HELLS: variants seen among roughly 807,000 people sequenced by gnomAD.
The protein encoded by HELLS is helicase, lymphoid specific.
A neutral mutation model predicts 120.0 loss-of-function variants in HELLS; 32 were observed. The ratio of observed to expected loss-of-function variants is 0.27; its 90% confidence interval spans 0.20 to 0.36. The LOEUF (loss-of-function observed/expected upper bound fraction) is 0.36, where lower values mean the gene tolerates loss of function less well. Among genes scored for constraint, HELLS ranks in the 10% least tolerant of loss-of-function variants. The pLI is 1.00. For synonymous variants in HELLS, 341 were observed against 323.4 expected (o/e 1.05, Z -0.58); for missense variants, 650 against 993.4 (o/e 0.65, Z 4.65).
chr10:94,595,771 T>A lies in HELLS; in HGVS notation c.2248+917T>A, dbSNP rs543468073. 7.9e-5 allele frequency among the ~76,000 whole-genome samples: 12 copies of A among 152,330 alleles called. No homozygotes were observed. In the East Asian group the frequency reaches 2.3e-3, roughly 29 times the overall value. ...GGCTTGATAGCTACCTGAAGAAATG[T>A]TGAAAATCATTTATGTAAATCATCA... On this transcript the variant is annotated intron_variant, in intron 19 of 21. Transcript: ENST00000348459.
intron 8 of HELLS, 181 bp from the exon 9 acceptor site, chr10:94,574,373 C>A: frequency 1.4e-6 from 1 of 694,586 alleles, no homozygotes; most frequent in Non-Finnish European, 2.4e-6. Context: ...TAATGGCTTC[C>A]AGCACTTTTA....
chr10:94,546,181 G>A (rs1457346122), intron 1 of HELLS, among the ~76,000 whole-genome samples, 196 bp from the exon 2 acceptor site: 1 of 152,194 alleles, frequency 6.6e-6, no homozygotes, highest in Non-Finnish European at 1.5e-5. Flanking sequence ...AGCATCCCGA[G>A]TTGTAAACTG....
At chr10:94,593,251 G>A (rs540938824) in intron 17 of HELLS, among the ~76,000 whole-genome samples, 1 of 152,176 alleles carries the variant, frequency 6.6e-6, no homozygotes, top group African/African-American at 2.4e-5. Context: ...TTTGATATTA[G>A]CTTTTCTTAT....
chr10:94,592,118 A>T, intron 15 of HELLS, 111 bp from the exon 16 acceptor site: 2 of 701,648 alleles, frequency 2.9e-6, no homozygotes, highest in Non-Finnish European at 4.7e-6. Flanking sequence ...GTCAGTTTTT[A>T]AGTTTTTTAA....
chr10:94,557,450 A>C (rs566327079), intron 3 of HELLS, among the ~76,000 whole-genome samples: 4 of 152,338 alleles, frequency 2.6e-5, no homozygotes, highest in Middle Eastern at 3.4e-3. Context: ...AAAATTTGTA[A>C]GAGTATGTCT....
intron 10 of HELLS, among the ~76,000 whole-genome samples, chr10:94,578,661 TGGC>T (rs1844644751): frequency 6.6e-6 from 1 of 152,190 alleles, no homozygotes; most frequent in African/African-American, 2.4e-5. Context: ...GCCGCTTGGT[TGGC>T]TGGGCAACCA....
intron 10 of HELLS, among the ~76,000 whole-genome samples, chr10:94,581,113 AGTAG>A (rs1844847247): frequency 6.6e-6 from 1 of 152,218 alleles, no homozygotes; most frequent in African/African-American, 2.4e-5. Context: ...TGCATATTTT[AGTAG>A]GTCTCTTCCA....
At position 94,545,920 on chromosome 10, in the gene HELLS, G is replaced by C; in HGVS notation, c.-2G>C. On this transcript the variant is annotated 5_prime_UTR_variant, in exon 1 of 22. Coordinates refer to ENST00000348459, the MANE Select transcript of HELLS (RefSeq NM_018063.5). ...ACCCGGTTCCCGGGTGAGTGTCCAG[G>C]CATGCCAGCGGAACGGCCCGCGGGC... The C allele has an allele frequency of 1.3e-6, 2 of 1,555,272 alleles. No homozygotes were observed. The highest frequency in any genetic ancestry group is 1.7e-6 in the Non-Finnish European group (2 of 1,148,766).
chr10:94,602,346 A>C (rs905842171), downstream of HELLS, among the ~76,000 whole-genome samples: 2 of 152,200 alleles, frequency 1.3e-5, no homozygotes, highest in African/African-American at 4.8e-5. Flanking sequence ...CAGACCCTGA[A>C]AATTTATAGT....
chr10:94,590,335 A>G (rs1190707266), intron 13 of HELLS, 78 bp from the exon 14 acceptor site: 5 of 1,186,528 alleles, frequency 4.2e-6, no homozygotes, highest in Non-Finnish European at 2.4e-6. Context: ...TACATAAAAT[A>G]TGCCTTATTT....
chr10:94,590,521 A>C lies in HELLS; in HGVS notation c.1597A>C (p.Ser533Arg). 1 of 1,610,446 alleles carries C rather than the reference A, an allele frequency of 6.2e-7. No homozygotes were observed. Among genetic ancestry groups the C allele is most frequent in the Non-Finnish European group, 8.5e-7 (1 of 1,179,308 alleles). Residue 533 changes from serine (S) to arginine (R), a missense_variant, in exon 14 of 22, where the codon AGT (serine) becomes CGT (arginine). Transcript: ENST00000348459. ...DFPNELEKLISQIQPEVDRER... is the reference protein window; with the variant it reads ...DFPNELEKLIRQIQPEVDRER... ...CCCTAATGAATTGGAAAAACTGATC[A>C]GTCAAATACAGCCAGAGGTGGACCG... is the stretch of plus-strand genomic sequence containing the variant.
intron 10 of HELLS, chr10:94,577,201 C>T (rs543089998): frequency 6.8e-6 from 2 of 295,736 alleles, no homozygotes; most frequent in Admixed American, 4.9e-5. Context: ...GTAGCATTTT[C>T]GTTTCTATTT....
rs76336798 is a variant in HELLS at position 94,547,077 on chromosome 10, A to G, written c.153+579A>G. On this transcript the variant is annotated intron_variant, in intron 2 of 21. Transcript: ENST00000348459. Reference sequence around the variant, plus strand: ...GCTAAAAATGTGCCGTACTTTTTCAATGACAAGTTGCTGTAGTTTTCTTGT... The same window carrying G: ...GCTAAAAATGTGCCGTACTTTTTCAGTGACAAGTTGCTGTAGTTTTCTTGT... Among the ~76,000 whole-genome samples the G allele has an allele frequency of 5.0e-3, 767 of 152,302 alleles. 18 individuals are homozygous for G. Among genetic ancestry groups the G allele is most frequent in the East Asian group, 0.038 (196 of 5,180 alleles).
intron 10 of HELLS, among the ~76,000 whole-genome samples, chr10:94,580,256 C>T (rs1042018014): frequency 4.0e-4 from 57 of 144,218 alleles, no homozygotes; most frequent in African/African-American, 1.4e-3. Flanking sequence ...ACGATCTCGG[C>T]TTACTGCAAC....
At chr10:94,597,723 G>A (rs1845806436) in intron 21 of HELLS, among the ~76,000 whole-genome samples, 1 of 152,132 alleles carries the variant, frequency 6.6e-6, no homozygotes, top group Non-Finnish European at 1.5e-5. Flanking sequence ...AGTAGAGACA[G>A]GGTTTCGCCA....
At chr10:94,557,050 A>G (rs1362582345) in intron 3 of HELLS, 3 of 186,020 alleles carry the variant, frequency 1.6e-5, no homozygotes, top group African/African-American at 7.1e-5. Context: ...TTTCTAGATG[A>G]GACCTGCCCT....
intron 10 of HELLS, among the ~76,000 whole-genome samples, chr10:94,581,001 A>G (rs902005673): frequency 3.9e-5 from 6 of 152,234 alleles, no homozygotes; most frequent in Non-Finnish European, 8.8e-5. Context: ...TAACATTAAT[A>G]TCAAAACTTG....
intron 3 of HELLS, 84 bp from the exon 4 acceptor site, chr10:94,558,055 C>T (rs1388869985): frequency 1.4e-6 from 2 of 1,469,736 alleles, no homozygotes; most frequent in Non-Finnish European, 9.1e-7. Context: ...TCATTGTAAA[C>T]ATAAGTTATT....
Position 94,582,952 on chromosome 10 carries a change from T to C in HELLS, c.1230-11T>C. 6.6e-7 allele frequency: 1 copy of C among 1,511,328 alleles called. No individual in the cohort carries two copies. Among genetic ancestry groups the C allele is most frequent in the Non-Finnish European group, 9.1e-7 (1 of 1,100,396 alleles). 93.6% of individuals were successfully genotyped at this position (1,511,328 alleles called of 1,614,324 possible). On this transcript the variant is annotated splice_polypyrimidine_tract_variant and intron_variant, in intron 11 of 21. Transcript: ENST00000348459. ...TATGTGATGGTTAACTTAAACATTTTTCTCTTCCAGCTTTGAGTCTTGGTT... is the reference window on the plus strand; with the variant it reads ...TATGTGATGGTTAACTTAAACATTTCTCTCTTCCAGCTTTGAGTCTTGGTT...
Sources: allele counts gnomAD v4.1 joint callset (sites outside exome capture counted in the v4.1 genomes callset), GRCh38; gene constraint gnomAD v4.1.1; transcripts MANE v1.5; gene names NCBI Gene and HGNC (gene_info 2026-07-23, HGNC 2026-07-21).